Variants in ABCB11 observed in about 807,000 individuals in gnomAD.
ABCB11 encodes ATP binding cassette subfamily B member 11, also known as bile salt export pump.
ABCB11 carries 95 observed loss-of-function variants against 148.0 expected under a neutral mutation model. That is an observed-to-expected ratio of 0.64 (90% CI 0.54 to 0.76). The LOEUF (loss-of-function observed/expected upper bound fraction) is 0.76, where lower values mean the gene tolerates loss of function less well. ABCB11 is among the 30% of genes least tolerant of loss of function. ABCB11 has a pLI of 0.00. For synonymous variants in ABCB11, 591 were observed against 555.4 expected (o/e 1.06, Z -0.90); for missense variants, 1,523 against 1,617.8 (o/e 0.94, Z 1.01).
chr2:168,969,960 TCCCA>T, intron 15 of ABCB11, 81 bp downstream of exon 15: 1 of 546,852 alleles, frequency 1.8e-6, no homozygotes, highest in South Asian at 1.4e-5. Flanking sequence ...CTCCCATCCC[TCCCA>T]CCCCACAAGG....
chr2:168,959,607 C>T (rs557854655), intron 18 of ABCB11, among the ~76,000 whole-genome samples: 166 of 151,640 alleles, frequency 1.1e-3, no homozygotes, highest in African/African-American at 3.8e-3. Context: ...TACCTTCATT[C>T]GGGTTATTTT....
chr2:168,965,201 T>A (rs1436579513), intron 17 of ABCB11, among the ~76,000 whole-genome samples: 1 of 151,738 alleles, frequency 6.6e-6, no homozygotes, highest in South Asian at 2.1e-4. Context: ...AGAGAATGTA[T>A]AAACATAAGC....
Position 168,931,032 on chromosome 2 carries a change from C to A in ABCB11, c.3214-170G>T, listed in dbSNP as rs1389012356. 2.6e-5 allele frequency among the ~76,000 whole-genome samples: 4 copies of A among 152,122 alleles called. No homozygotes were observed. The East Asian group carries it at 7.7e-4, about 29-fold the overall frequency. ...ATAAAAGGACATTCCATTTTGTGTT[C>A]TGAAAGATGTAGTATAAAGGAAGGC... is the stretch of plus-strand genomic sequence containing the variant. On this transcript the variant is annotated intron_variant, in intron 24 of 27. Coordinates refer to ENST00000650372, the MANE Select transcript of ABCB11 (RefSeq NM_003742.4).
At position 169,014,327 on chromosome 2, in the gene ABCB11, G is replaced by A. The variant is rs138800291; in HGVS notation, c.126C>T (p.Gly42=). ...CCAATTGAAAGAAGCCAACTCTAAC[G>A]CCATCACCTTTCTTCTCATCTTGTA... The part of the protein sequence containing the change: ...SRLQDEKKGD[G]VRVGFFQLFR... The change falls in exon 4 of 28, where the codon GGC becomes GGT. Residue 42 remains glycine, a synonymous_variant. Transcript: ENST00000650372. 2.4e-5 allele frequency: 39 copies of A among 1,613,244 alleles called. No homozygotes were observed. Among genetic ancestry groups the A allele is most frequent in the Admixed American group, 2.2e-4 (13 of 59,988 alleles).
chr2:168,974,167 G>A (rs182967520), intron 12 of ABCB11, among the ~76,000 whole-genome samples: 2 of 151,920 alleles, frequency 1.3e-5, no homozygotes, highest in African/African-American at 4.8e-5. Context: ...AAATACTCCT[G>A]ACATACTAGG....
At chr2:168,973,424 T>C (rs2105967212) in intron 13 of ABCB11, among the ~76,000 whole-genome samples, 1 of 152,188 alleles carries the variant, frequency 6.6e-6, no homozygotes, top group Non-Finnish European at 1.5e-5. Context: ...ATTATAATCT[T>C]ATGGAACCAC....
intron 5 of ABCB11, among the ~76,000 whole-genome samples, chr2:169,004,057 G>C (rs1694954000): frequency 6.6e-6 from 1 of 152,128 alleles, no homozygotes; most frequent in South Asian, 2.1e-4. Flanking sequence ...TAGGTTACCT[G>C]GTGCTTTTGC....
At chr2:168,993,591 T>G in intron 8 of ABCB11, 120 bp downstream of exon 8, 1 of 877,440 alleles carries the variant, frequency 1.1e-6, no homozygotes, top group Non-Finnish European at 1.7e-6. Flanking sequence ...ACAAACTACA[T>G]GAAGATAGTG....
chr2:169,001,495 TG>T (rs1694869731), intron 5 of ABCB11, among the ~76,000 whole-genome samples: 1 of 152,014 alleles, frequency 6.6e-6, no homozygotes, highest in South Asian at 2.1e-4. Context: ...CTTACTATAG[TG>T]GGGATGAGTC....
chr2:168,992,482 T>C (rs1333506374), intron 8 of ABCB11, among the ~76,000 whole-genome samples: 1 of 152,060 alleles, frequency 6.6e-6, no homozygotes, highest in African/African-American at 2.4e-5. Flanking sequence ...CTCTGGAGTA[T>C]AGTTGGAAAG....
downstream of ABCB11, among the ~76,000 whole-genome samples, chr2:168,915,798 A>T (rs773154347): frequency 6.6e-6 from 1 of 152,244 alleles, no homozygotes; most frequent in Non-Finnish European, 1.5e-5. Context: ...TTGACAAGAC[A>T]ATGTCACCTG....
chr2:168,944,622 C>T lies in ABCB11; in HGVS notation c.2593G>A (p.Ala865Thr), dbSNP rs886055064. The T allele has an allele frequency of 5.6e-6, 9 of 1,607,726 alleles. No homozygotes were observed. The highest frequency in any genetic ancestry group is 7.7e-6 in the Non-Finnish European group (9 of 1,176,430). ...TAGCTCACCCCTTGAACTTGGGAAG[C>T]ATCTGTAGCAAGTCTTGTTGTCAAT... ...GALTTRLATD[A>T]SQVQGAAGSQ... The change falls in exon 21 of 28, where the codon GCT becomes ACT. Residue 865 changes from alanine to threonine, a missense_variant. Ala to Thr is a moderately conservative substitution (Grantham distance 58, BLOSUM62 0). Coordinates refer to ENST00000650372, the MANE Select transcript of ABCB11 (RefSeq NM_003742.4).
intron 1 of ABCB11, among the ~76,000 whole-genome samples, chr2:169,022,045 TAAATATGGGTTAAGGATGA>T (rs1695557841): frequency 6.6e-6 from 1 of 152,008 alleles, no homozygotes; most frequent in African/African-American, 2.4e-5. Flanking sequence ...CATATGCAGA[TAAATATGGGTTAAGGATGA>T]AATCATGACA....
chr2:168,931,896 T>A (rs760804852), intron 24 of ABCB11, among the ~76,000 whole-genome samples: 1 of 152,226 alleles, frequency 6.6e-6, no homozygotes, highest in African/African-American at 2.4e-5. Flanking sequence ...AATGAACCCA[T>A]ATACAGCAGG....
At chr2:168,944,245 G>A (rs1459246245) in intron 21 of ABCB11, among the ~76,000 whole-genome samples, 1 of 151,232 alleles carries the variant, frequency 6.6e-6, no homozygotes, top group Non-Finnish European at 1.5e-5. Flanking sequence ...GGTCCTGTGT[G>A]AGTAAGGAGA....
chr2:168,991,012 A>G, intron 8 of ABCB11, 87 bp from the exon 9 acceptor site: 2 of 1,434,480 alleles, frequency 1.4e-6, no homozygotes, highest in African/African-American at 1.4e-5. Flanking sequence ...AACATGTGGC[A>G]TGGGTTTAAT....
intron 5 of ABCB11, among the ~76,000 whole-genome samples, chr2:169,003,469 T>C (rs1694939145): frequency 6.6e-6 from 1 of 151,518 alleles, no homozygotes; most frequent in Admixed American, 6.6e-5. Flanking sequence ...ATATTACATT[T>C]TCCTTATCCA....
intron 5 of ABCB11, among the ~76,000 whole-genome samples, chr2:168,999,440 T>C (rs1694810345): frequency 6.6e-6 from 1 of 152,062 alleles, no homozygotes; most frequent in Admixed American, 6.6e-5. Flanking sequence ...TCTCATCATC[T>C]CAAGACTCCC....
chr2:168,943,152 G>C (rs1692143967), intron 21 of ABCB11, among the ~76,000 whole-genome samples: 1 of 151,910 alleles, frequency 6.6e-6, no homozygotes, highest in Admixed American at 6.6e-5. Context: ...ACCTTCAAAA[G>C]CTCCTTGCAG....
Sources: allele counts gnomAD v4.1 joint callset (sites outside exome capture counted in the v4.1 genomes callset), GRCh38; gene constraint gnomAD v4.1.1; transcripts MANE v1.5; gene names NCBI Gene and HGNC (gene_info 2026-07-23, HGNC 2026-07-21).